The following RBFOX3 variants were observed in gnomAD, a reference collection of about 807,000 sequenced individuals.
RBFOX3 encodes RNA binding protein fox-1 homolog 3.
RBFOX3 carries 17 observed loss-of-function variants against 48.7 expected under a neutral mutation model. The ratio of observed to expected loss-of-function variants is 0.35; its 90% CI spans 0.24 to 0.52. RBFOX3 has a LOEUF of 0.52. Among genes scored for constraint, RBFOX3 ranks in the 20% least tolerant of loss-of-function variants. RBFOX3 has a pLI of 0.94. For synonymous variants in RBFOX3, 212 were observed against 209.5 expected (o/e 1.01, Z -0.10); for missense variants, 382 against 497.5 (o/e 0.77, Z 2.21).
intron 1 of RBFOX3, among the ~76,000 whole-genome samples, chr17:79,608,451 A>G (rs2093887411): frequency 1.3e-5 from 2 of 152,176 alleles, no homozygotes; most frequent in African/African-American, 4.8e-5. Flanking sequence ...GATCAAAGCA[A>G]TCACCCAGGT....
upstream of RBFOX3, among the ~76,000 whole-genome samples, chr17:79,613,016 C>G (rs1426702735): frequency 4.6e-5 from 7 of 152,362 alleles, no homozygotes; most frequent in African/African-American, 1.7e-4. Flanking sequence ...TCGAGCCCAT[C>G]TCCGTCTCCC....
intron 1 of RBFOX3, among the ~76,000 whole-genome samples, chr17:79,519,835 T>C (rs1377691325): frequency 2.6e-5 from 4 of 152,014 alleles, no homozygotes; most frequent in African/African-American, 4.8e-5. Flanking sequence ...GCAACACCCA[T>C]ATGTGCTGTC....
chr17:79,266,416 C>G (rs115823636), intron 3 of RBFOX3, among the ~76,000 whole-genome samples: 1 of 152,176 alleles, frequency 6.6e-6, no homozygotes, highest in African/African-American at 2.4e-5. Context: ...TTTCTGTGTT[C>G]TGTTGGGACT....
intron 4 of RBFOX3, among the ~76,000 whole-genome samples, chr17:79,151,322 G>A (rs952393866): frequency 2.0e-5 from 3 of 149,182 alleles, no homozygotes; most frequent in African/African-American, 5.0e-5. Context: ...CACGGGACGC[G>A]TGGTCCCGAC....
At chr17:79,464,517 C>T (rs1177504149) in intron 2 of RBFOX3, among the ~76,000 whole-genome samples, 1 of 152,238 alleles carries the variant, frequency 6.6e-6, no homozygotes, top group Non-Finnish European at 1.5e-5. Flanking sequence ...GACAGATTCC[C>T]CCGCAGACAT....
At chr17:79,639,640 C>T in the RBFOX3 span, among the ~76,000 whole-genome samples, 1 of 152,158 alleles carries the variant, frequency 6.6e-6, no homozygotes, top group East Asian at 1.9e-4. Flanking sequence ...AAGGATTATA[C>T]ATTATGACCA....
At position 79,298,697 on chromosome 17, in the gene RBFOX3, C is replaced by T. The variant is rs151071606; in HGVS notation, c.-74+9027G>A. Among the ~76,000 whole-genome samples the T allele has an allele frequency of 7.5e-4, 114 of 152,296 alleles. 2 individuals are homozygous for T. In the East Asian group the frequency reaches 0.019, roughly 26 times the overall value. On this transcript the variant is annotated intron_variant, in intron 3 of 14. Transcript: ENST00000693108. ...GCCCCCTGAGATCCGAGGGTCATCT[C>T]GCCGGCAGGGCCCAGCTGGGGAAGC...
intron 3 of RBFOX3, among the ~76,000 whole-genome samples, chr17:79,270,927 C>G (rs4239026): frequency 0.65 from 98,397 of 152,204 alleles, 32,096 homozygotes; most frequent in East Asian, 0.8. Flanking sequence ...TATGCAACAA[C>G]ATGCTAGGGC....
intron 4 of RBFOX3, among the ~76,000 whole-genome samples, chr17:79,141,697 T>C (rs959801309): frequency 2.0e-5 from 3 of 152,162 alleles, no homozygotes; most frequent in Non-Finnish European, 4.4e-5. Context: ...TTCACCTCCC[T>C]GGGGGTCCTG....
At chr17:79,451,240 C>T (rs1422968248) in intron 2 of RBFOX3, among the ~76,000 whole-genome samples, 1 of 152,158 alleles carries the variant, frequency 6.6e-6, no homozygotes, top group Non-Finnish European at 1.5e-5. Flanking sequence ...AAAAAAAATA[C>T]ATTAGGAAAT....
In RBFOX3 at chr17:79,311,804, G is replaced by A. The variant is rs923316146; in HGVS notation, c.-174-3980C>T. Among the ~76,000 whole-genome samples, 13 of 152,128 alleles carry A rather than the reference G, an allele frequency of 8.5e-5. No individual in the cohort carries two copies. Among genetic ancestry groups the A allele is most frequent in the African/African-American group, 3.1e-4 (13 of 41,414 alleles). The stretch of plus-strand genomic sequence containing the variant: ...GCAGTGCCCCCATGATGGCAGAAAC[G>A]GGGAACAGGAAGGAGGCAGCCCAAA... On this transcript the variant is annotated intron_variant, in intron 2 of 14. Coordinates refer to ENST00000693108, the MANE Select transcript of RBFOX3 (RefSeq NM_001350451.2). The surrounding 1 kb of genome is among the most constrained non-coding windows in gnomAD (Gnocchi z 4.2).
At chr17:79,191,828 G>A (rs560238057) in intron 4 of RBFOX3, among the ~76,000 whole-genome samples, 1 of 152,302 alleles carries the variant, frequency 6.6e-6, no homozygotes, top group South Asian at 2.1e-4. Flanking sequence ...TCCTTTCTCA[G>A]GCTTTGAGAG....
chr17:79,178,591 T>C (rs1052068347), intron 4 of RBFOX3, among the ~76,000 whole-genome samples: 1 of 152,180 alleles, frequency 6.6e-6, no homozygotes, highest in Non-Finnish European at 1.5e-5. Context: ...AAAACATGCA[T>C]GTCCACACCC....
the RBFOX3 span, among the ~76,000 whole-genome samples, chr17:79,632,381 G>A: frequency 0.19 from 28,843 of 151,876 alleles, 3,555 homozygotes; most frequent in Non-Finnish European, 0.27. Context: ...AGTCCTCTTC[G>A]GGATCCTGGA....
At chr17:79,465,292 A>T (rs1322760682) in intron 2 of RBFOX3, among the ~76,000 whole-genome samples, 3 of 152,248 alleles carry the variant, frequency 2.0e-5, no homozygotes, top group African/African-American at 7.2e-5. Flanking sequence ...GAAAAGCTCC[A>T]TCCCATAATA....
intron 4 of RBFOX3, among the ~76,000 whole-genome samples, chr17:79,121,840 T>G (rs1186398620): frequency 6.6e-6 from 1 of 152,034 alleles, no homozygotes; most frequent in Non-Finnish European, 1.5e-5. Flanking sequence ...TGATTTAGTC[T>G]CCAAATTAAA....
intron 4 of RBFOX3, among the ~76,000 whole-genome samples, chr17:79,135,598 C>A (rs1049673237): frequency 6.6e-6 from 1 of 152,176 alleles, no homozygotes; most frequent in African/African-American, 2.4e-5. Context: ...TGCTCCCCAG[C>A]GCAGTGGGGG....
At chr17:79,463,622 G>A (rs1479930823) in intron 2 of RBFOX3, among the ~76,000 whole-genome samples, 8 of 115,030 alleles carry the variant, frequency 7.0e-5, no homozygotes, top group Admixed American at 8.9e-5. Context: ...CACCGCCATC[G>A]CCACCGCCAC....
At chr17:79,246,117 T>C (rs1295816678) in intron 3 of RBFOX3, among the ~76,000 whole-genome samples, 1 of 152,222 alleles carries the variant, frequency 6.6e-6, no homozygotes, top group East Asian at 1.9e-4. Flanking sequence ...CCTTGACTTT[T>C]ATCTGCTGAC....
Sources: allele counts gnomAD v4.1 joint callset (sites outside exome capture counted in the v4.1 genomes callset), GRCh38; gene constraint gnomAD v4.1.1; non-coding constraint Gnocchi (gnomAD v3.1); transcripts MANE v1.5; gene names NCBI Gene and HGNC (gene_info 2026-07-23, HGNC 2026-07-21).